The following DMBT1 variants were observed in gnomAD, a reference collection of about 807,000 sequenced individuals.
DMBT1 encodes scavenger receptor cysteine-rich domain-containing protein DMBT1.
A neutral mutation model predicts 252.9 loss-of-function variants in DMBT1; 198 were observed. The ratio of observed to expected loss-of-function variants is 0.78; its 90% CI spans 0.70 to 0.88. The LOEUF is 0.88. Among genes scored for constraint, DMBT1 ranks in the 40% least tolerant of loss-of-function variants. DMBT1 has a pLI of 0.00. For missense variants in DMBT1, 2,432 were observed against 2,404.7 expected (o/e 1.01, Z -0.24); for synonymous variants, 990 against 942.7 (o/e 1.05, Z -0.92).
At chr10:122,617,300 C>A (rs769511215) in intron 40 of DMBT1, 40 bp downstream of exon 40, 3 of 1,597,752 alleles carry the variant, frequency 1.9e-6, no homozygotes, top group Non-Finnish European at 1.7e-6. Context: ...CTCACTATCT[C>A]TGGACATATT....
At chr10:122,562,444 T>G (rs2097556510) in intron 1 of DMBT1, among the ~76,000 whole-genome samples, 2 of 152,090 alleles carry the variant, frequency 1.3e-5, no homozygotes, top group South Asian at 4.1e-4. Flanking sequence ...GTGGAGGGAC[T>G]GGGGGCCACC....
rs1463747395 is a variant in DMBT1, at chr10:122,630,332, T to C, written c.5867T>C (p.Phe1956Ser). ...TGCAGTTTTGATTATGTTGAAATCTTTGATGGATCATTGAATAGCAGTCTC... is the reference window on the plus strand; with the variant it reads ...TGCAGTTTTGATTATGTTGAAATCTCTGATGGATCATTGAATAGCAGTCTC... Reference protein sequence around the residue: ...HNCSFDYVEIFDGSLNSSLLL... With the variant: ...HNCSFDYVEISDGSLNSSLLL... Residue 1956 changes from phenylalanine to serine, a missense_variant, in exon 48 of 56, where the codon TTT (phenylalanine) becomes TCT (serine). By Grantham distance (155) the Phe-to-Ser change is radical (BLOSUM62 -2). Around this residue, in one of 3 missense-constraint regions of DMBT1, gnomAD observed 1,162 missense variants for 1,169.0 expected, o/e 0.99. Transcript: ENST00000338354. 5.0e-6 allele frequency: 8 copies of C among 1,613,946 alleles called. No homozygotes were observed. Among genetic ancestry groups the C allele is most frequent in the Non-Finnish European group, 6.8e-6 (8 of 1,179,908 alleles).
At position 122,576,495 on chromosome 10, in the gene DMBT1, G is replaced by C; in HGVS notation, c.380G>C (p.Cys127Ser). 6.2e-7 allele frequency: 1 copy of C among 1,614,012 alleles called. No individual in the cohort carries two copies. The highest frequency in any genetic ancestry group is 2.2e-5 in the East Asian group (1 of 44,884). Residue 127 changes from cysteine (C) to serine (S), a missense_variant, in exon 7 of 56, where the codon TGT becomes TCT. By Grantham distance (112) the Cys-to-Ser change is moderately radical. Transcript: ENST00000338354. ...ILYRGSWGTV[C>S]DDSWDTNDAN... Reference sequence around the variant, plus strand: ...TACCGAGGCTCCTGGGGCACCGTGTGTGATGACAGCTGGGACACCAATGAT... The same window carrying C: ...TACCGAGGCTCCTGGGGCACCGTGTCTGATGACAGCTGGGACACCAATGAT...
chr10:122,599,788 C>T (rs2097923077), intron 26 of DMBT1, among the ~76,000 whole-genome samples: 1 of 152,126 alleles, frequency 6.6e-6, no homozygotes, highest in Non-Finnish European at 1.5e-5. Flanking sequence ...CTCAAGAATG[C>T]CTAAGACGTG....
rs1376105107 is a variant in DMBT1, at chr10:122,576,428, G to A, written c.313G>A (p.Val105Met). ...GSDSGLALRL[V>M]NGDGRCQGRV... is the part of the protein sequence containing the mutation. ...TGATTCTGGTTTGGCCCTGAGGCTG[G>A]TGAATGGAGATGGCAGGTGTCAGGG... Residue 105 changes from valine to methionine, a missense_variant, in exon 7 of 56, where the codon GTG becomes ATG. This residue lies in a region of DMBT1 where 1,264 missense variants were observed against 1,082.2 expected (regional missense o/e 1.17). Transcript: ENST00000338354. 6.2e-7 allele frequency: 1 copy of A among 1,613,840 alleles called. No homozygotes were observed. The highest frequency in any genetic ancestry group is 1.3e-5 in the African/African-American group (1 of 74,938).
At chr10:122,629,164 C>T (rs889915611) in intron 46 of DMBT1, among the ~76,000 whole-genome samples, 4 of 152,140 alleles carry the variant, frequency 2.6e-5, no homozygotes. Context: ...TTTATATAGA[C>T]ATAGAAACCT....
At chr10:122,585,974 T>A (rs2097785940) in intron 15 of DMBT1, 86 bp from the exon 16 acceptor site, 2 of 1,570,462 alleles carry the variant, frequency 1.3e-6, no homozygotes, top group Admixed American at 1.7e-5. Flanking sequence ...ACTTTAGCCA[T>A]TAGGACGTGC....
Position 122,572,307 on chromosome 10 carries a change from C to G in DMBT1, c.188-7C>G, listed in dbSNP as rs2097671697. 1.9e-6 allele frequency: 3 copies of G among 1,613,266 alleles called. No individual in the cohort carries two copies. Among genetic ancestry groups the G allele is most frequent in the East Asian group, 2.2e-5 (1 of 44,864 alleles). ...ATCAATGAGCTCTTCCTTTCTCCACCCTGCAGGTTCTCCGATTTCCTTGGA... is the reference window on the plus strand; with the variant it reads ...ATCAATGAGCTCTTCCTTTCTCCACGCTGCAGGTTCTCCGATTTCCTTGGA... On this transcript the variant is annotated splice_polypyrimidine_tract_variant and splice_region_variant and intron_variant, in intron 4 of 55. Coordinates refer to ENST00000338354, the MANE Select transcript of DMBT1 (RefSeq NM_001377530.1).
At chr10:122,588,420 C>T (rs2097812887) in intron 16 of DMBT1, among the ~76,000 whole-genome samples, 1 of 148,508 alleles carries the variant, frequency 6.7e-6, no homozygotes, top group Non-Finnish European at 1.5e-5. Flanking sequence ...AAAAGATCCT[C>T]ATCCAGGTGC....
intron 44 of DMBT1, among the ~76,000 whole-genome samples, chr10:122,623,791 C>A (rs542250654): frequency 3.9e-5 from 6 of 152,204 alleles, no homozygotes; most frequent in Admixed American, 3.9e-4. Flanking sequence ...GCTCACAGGA[C>A]AGGGTTCAGG....
Position 122,640,308 on chromosome 10 carries a change from A to G in DMBT1, c.7211A>G (p.Tyr2404Cys). ...TATCCTGTGACCAGCCGCCCTTACT[A>G]CGTGGACCTGAACCAGGACTTGTAC... ...FLYPVTSRPY[Y>C]VDLNQDLYVQ... is the part of the protein sequence containing the mutation. The change falls in exon 55 of 56, where the codon TAC becomes TGC. Residue 2404 changes from tyrosine to cysteine, a missense_variant. Tyr to Cys is a radical substitution (Grantham distance 194). This residue lies in a region of DMBT1 where 1,162 missense variants were observed against 1,169.0 expected (regional missense o/e 0.99). Coordinates refer to ENST00000338354, the MANE Select transcript of DMBT1 (RefSeq NM_001377530.1). The G allele has an allele frequency of 6.2e-7, 1 of 1,614,014 alleles. No homozygotes were observed. The highest frequency in any genetic ancestry group is 8.5e-7 in the Non-Finnish European group (1 of 1,179,892).
chr10:122,597,246 G>A (rs1365633339), intron 24 of DMBT1, among the ~76,000 whole-genome samples, 192 bp downstream of exon 24: 2 of 151,886 alleles, frequency 1.3e-5, no homozygotes, highest in African/African-American at 4.8e-5. Context: ...TCTGTCTTCT[G>A]TTCCATTTAT....
At chr10:122,628,429 A>G (rs2098133997) in intron 46 of DMBT1, among the ~76,000 whole-genome samples, 1 of 152,194 alleles carries the variant, frequency 6.6e-6, no homozygotes, top group Non-Finnish European at 1.5e-5. Context: ...TGAGGTCAGG[A>G]CTTCGAGACC....
intron 1 of DMBT1, among the ~76,000 whole-genome samples, chr10:122,561,421 G>C (rs184022827): frequency 7.0e-6 from 1 of 143,020 alleles, no homozygotes; most frequent in Non-Finnish European, 1.6e-5. Flanking sequence ...AAGCATAGCT[G>C]TATGTTCTTA....
intron 6 of DMBT1, among the ~76,000 whole-genome samples, chr10:122,575,420 C>G (rs1360939379): frequency 1.3e-5 from 2 of 152,154 alleles, no homozygotes; most frequent in Non-Finnish European, 2.9e-5. Context: ...CACAGCAAGA[C>G]AATATCCAGA....
intron 54 of DMBT1, among the ~76,000 whole-genome samples, chr10:122,638,620 T>C (rs1230014368): frequency 3.3e-5 from 5 of 152,156 alleles, no homozygotes; most frequent in African/African-American, 1.2e-4. Context: ...TAACAAATTT[T>C]TTTTTGTAGA....
In DMBT1 at chr10:122,625,160, C is replaced by T. The variant is rs2098108575; in HGVS notation, c.5609-117C>T. 6.2e-6 allele frequency: 6 copies of T among 962,276 alleles called. No homozygotes were observed. In the South Asian group the frequency reaches 6.9e-5, roughly 11 times the overall value. The allele number at this position is 962,276 out of a possible 1,614,324, so 59.6% of individuals were successfully genotyped here. A position where few individuals can be genotyped will look rare whatever the true frequency, so the allele number is the denominator to read the frequency against. ...GGTTTATATCTACTATTCCACTCTC[C>T]TGGATGACTCTTGGGGAGCATTTCT... On this transcript the variant is annotated intron_variant, in intron 44 of 55. Coordinates refer to ENST00000338354, the MANE Select transcript of DMBT1 (RefSeq NM_001377530.1).
chr10:122,570,098 C>A, intron 2 of DMBT1, 64 bp from the exon 3 acceptor site: 1 of 1,437,676 alleles, frequency 7.0e-7, no homozygotes, highest in Non-Finnish European at 9.8e-7. Context: ...GCTGAGGAAG[C>A]CAGGGACCAG....
In DMBT1 at chr10:122,589,480, G is replaced by T. The variant is rs577281372; in HGVS notation, c.2107+213G>T. Among the ~76,000 whole-genome samples, 4 of 148,250 alleles carry T rather than the reference G, an allele frequency of 2.7e-5. 1 individual carries two copies. The highest frequency in any genetic ancestry group is 6.0e-5 in the Non-Finnish European group (4 of 66,724). ...GACAATGGGCCAAAGTGAAATAAGG[G>T]TCATGCCTTTGTTCCCCTACCAAGG... On this transcript the variant is annotated intron_variant, in intron 17 of 55. Transcript: ENST00000338354.
Sources: allele counts gnomAD v4.1 joint callset (sites outside exome capture counted in the v4.1 genomes callset), GRCh38; gene constraint gnomAD v4.1.1; regional missense constraint gnomAD v4.1.1; transcripts MANE v1.5; gene names NCBI Gene and HGNC (gene_info 2026-07-23, HGNC 2026-07-21).